The following ZNF468 variants were observed in gnomAD, a reference collection of about 807,000 sequenced individuals.
ZNF468 encodes the protein zinc finger protein 468, also known as zinc finger protein ZNF468.
ZNF468 carries 8 observed loss-of-function variants against 7.2 expected under a neutral mutation model. That is an observed-to-expected ratio of 1.11 (90% confidence interval 0.65 to 2.01). The LOEUF is 2.01. Among genes scored for constraint, ZNF468 ranks in the 30% most tolerant of loss-of-function variants. ZNF468 has a pLI of 0.00. For synonymous variants in ZNF468, 218 were observed against 214.4 expected, an observed-to-expected ratio of 1.02 and a Z score of -0.15; for missense variants, 608 against 626.5, an observed-to-expected ratio of 0.97 and a Z score of 0.31.
intron 3 of ZNF468, among the ~76,000 whole-genome samples, chr19:52,845,995 C>G (rs1048123685): frequency 1.3e-5 from 2 of 152,028 alleles, no homozygotes; most frequent in African/African-American, 4.8e-5. Context: ...AAGAACAAAA[C>G]TCTATCTCAT....
In ZNF468 at chr19:52,839,550, A is replaced by C; in HGVS notation, c.*1175T>G. ...ACTGCATTTGAAACAACTGTCTCCA[A>C]AAGGAATTGTCTGATGGTCTGCAAG... On this transcript the variant is annotated 3_prime_UTR_variant, in exon 4 of 4. Coordinates refer to ENST00000595646, the MANE Select transcript of ZNF468 (RefSeq NM_001008801.2). 2.0e-6 allele frequency: 1 copy of C among 506,338 alleles called. No homozygotes were observed. Among genetic ancestry groups the C allele is most frequent in the South Asian group, 1.5e-5 (1 of 65,414 alleles). The allele number at this position is 506,338 out of a possible 1,614,324, so 31.4% of individuals were successfully genotyped here.
chr19:52,839,569 C>A lies in ZNF468; in HGVS notation c.*1156G>T. The A allele has an allele frequency of 1.9e-6, 1 of 528,886 alleles. No homozygotes were observed. The highest frequency in any genetic ancestry group is 1.4e-5 in the South Asian group (1 of 69,454). The allele number at this position is 528,886 out of a possible 1,614,324, so 32.8% of individuals were successfully genotyped here. Reference sequence around the variant, plus strand: ...TCTCCAAAAGGAATTGTCTGATGGTCTGCAAGGAGTGACCTTGGACTGAAG... The same window carrying A: ...TCTCCAAAAGGAATTGTCTGATGGTATGCAAGGAGTGACCTTGGACTGAAG... On this transcript the variant is annotated 3_prime_UTR_variant, in exon 4 of 4. Transcript: ENST00000595646.
At position 52,854,314 on chromosome 19, in the gene ZNF468, T is replaced by C. The variant is rs201700471; in HGVS notation, c.-42A>G. On this transcript the variant is annotated 5_prime_UTR_variant, in exon 2 of 4. Transcript: ENST00000595646. ...TTCCTCTTCCTCTTCTGGGTTTCTTTCTCACGTACCAACAGTCTTTAGAAG... is the reference window on the plus strand; with the variant it reads ...TTCCTCTTCCTCTTCTGGGTTTCTTCCTCACGTACCAACAGTCTTTAGAAG... The C allele has an allele frequency of 2.3e-4, 370 of 1,613,404 alleles. 1 individual carries two copies. Among genetic ancestry groups the C allele is most frequent in the Middle Eastern group, 8.3e-4 (5 of 6,060 alleles).
At chr19:52,850,706 T>C (rs940921869) in intron 2 of ZNF468, among the ~76,000 whole-genome samples, 16 of 151,902 alleles carry the variant, frequency 1.1e-4, no homozygotes, top group Admixed American at 2.0e-4. Flanking sequence ...GAGACCATCC[T>C]GGCTAACACG....
At chr19:52,850,853 C>T (rs1332947544) in intron 2 of ZNF468, among the ~76,000 whole-genome samples, 11 of 151,628 alleles carry the variant, frequency 7.3e-5, no homozygotes, top group East Asian at 5.8e-4. Context: ...GAGCCGAGAT[C>T]GCGCCACTGC....
Position 52,840,913 on chromosome 19 carries a change from G to A in ZNF468, c.1381C>T (p.His461Tyr). Reference sequence around the variant, plus strand: ...CACTTGTAAGGTTTCTCTCCAGTATGAACTCTCTGATGTTGTGCCAGGTGT... The same window carrying A: ...CACTTGTAAGGTTTCTCTCCAGTATAAACTCTCTGATGTTGTGCCAGGTGT... ...DSHLAQHQRVHTGEKPYKCNE... is the reference protein window; with the variant it reads ...DSHLAQHQRVYTGEKPYKCNE... Residue 461 changes from histidine to tyrosine, a missense_variant, in exon 4 of 4, where the codon CAT becomes TAT. By Grantham distance (83) the His-to-Tyr change is moderately conservative. Coordinates refer to ENST00000595646, the MANE Select transcript of ZNF468 (RefSeq NM_001008801.2). 2 of 1,613,998 alleles carry A rather than the reference G, an allele frequency of 1.2e-6. No individual in the cohort carries two copies. Among genetic ancestry groups the A allele is most frequent in the Non-Finnish European group, 1.7e-6 (2 of 1,180,002 alleles).
intron 2 of ZNF468, chr19:52,849,530 T>C (rs2063367629): frequency 2.8e-6 from 1 of 359,554 alleles, no homozygotes; most frequent in Non-Finnish European, 4.9e-6. Flanking sequence ...TGACATTCAT[T>C]ATCTAGATGA....
intron 1 of ZNF468, among the ~76,000 whole-genome samples, chr19:52,855,978 C>T (rs1019682760): frequency 3.3e-5 from 5 of 152,198 alleles, no homozygotes; most frequent in Non-Finnish European, 5.9e-5. Flanking sequence ...CCTGGAAGGG[C>T]TAATGGGATG....
At chr19:52,849,005 G>A (rs1243746726) in intron 3 of ZNF468, 82 bp downstream of exon 3, 4 of 1,123,784 alleles carry the variant, frequency 3.6e-6, no homozygotes, top group Non-Finnish European at 3.5e-6. Flanking sequence ...TTTAGTCAAG[G>A]AACAATGGGG....
intron 2 of ZNF468, among the ~76,000 whole-genome samples, chr19:52,851,184 G>A (rs1209167813): frequency 6.6e-6 from 1 of 151,852 alleles, no homozygotes; most frequent in Non-Finnish European, 1.5e-5. Flanking sequence ...GCTAAAACAG[G>A]AGAATCACTG....
chr19:52,846,108 G>A (rs1242289491), intron 3 of ZNF468, among the ~76,000 whole-genome samples: 1 of 151,986 alleles, frequency 6.6e-6, no homozygotes, highest in Non-Finnish European at 1.5e-5. Flanking sequence ...TGAAATAAAA[G>A]GCATGAAAAA....
In ZNF468 at chr19:52,838,722, A is replaced by G. The variant is rs1600504670; in HGVS notation, c.*2003T>C. On this transcript the variant is annotated 3_prime_UTR_variant, in exon 4 of 4. Coordinates refer to ENST00000595646, the MANE Select transcript of ZNF468 (RefSeq NM_001008801.2). The stretch of plus-strand genomic sequence containing the variant: ...CAATAAATAATTTTAAAAGAAAATT[A>G]AAAACCAATTCCATTTGCTAAAGAA... 6.6e-6 allele frequency: 1 copy of G among 152,360 alleles called. No individual in the cohort carries two copies. Among genetic ancestry groups the G allele is most frequent in the Admixed American group, 6.5e-5 (1 of 15,300 alleles). The allele number at this position is 152,360 out of a possible 1,614,324, so 9.4% of individuals were successfully genotyped here.
At chr19:52,848,758 T>C (rs4801942) in intron 3 of ZNF468, among the ~76,000 whole-genome samples, 79,675 of 151,810 alleles carry the variant, frequency 0.52, 22,623 homozygotes, top group African/African-American at 0.74. Flanking sequence ...TCCATGTTGA[T>C]CATGCTGGTC....
At chr19:52,853,288 G>T (rs1332277286) in intron 2 of ZNF468, among the ~76,000 whole-genome samples, 2 of 152,162 alleles carry the variant, frequency 1.3e-5, no homozygotes, top group Non-Finnish European at 2.9e-5. Flanking sequence ...GACAGGGAAA[G>T]GAGATGTCTT....
At position 52,840,475 on chromosome 19, in the gene ZNF468, A is replaced by T; in HGVS notation, c.*250T>A. The T allele has an allele frequency of 1.3e-6, 1 of 793,946 alleles. No individual in the cohort carries two copies. The highest frequency in any genetic ancestry group is 2.1e-6 in the Non-Finnish European group (1 of 487,488). The allele number at this position is 793,946 out of a possible 1,614,324, so 49.2% of individuals were successfully genotyped here. ...ACCTTGTCACAAACCTTACCTCTGT[A>T]TGGTTTCTCTTCAATGTGAATTTTC... On this transcript the variant is annotated 3_prime_UTR_variant, in exon 4 of 4. Coordinates refer to ENST00000595646, the MANE Select transcript of ZNF468 (RefSeq NM_001008801.2).
Position 52,839,693 on chromosome 19 carries a change from A to G in ZNF468, c.*1032T>C. On this transcript the variant is annotated 3_prime_UTR_variant, in exon 4 of 4. Transcript: ENST00000595646. ...GTGAAGTAAACGCTTTGCCACAATC[A>G]TCACACTTGTGAGGTTTCTCTCCTG... 1.8e-6 allele frequency: 1 copy of G among 542,032 alleles called. No homozygotes were observed. 33.6% of individuals were successfully genotyped at this position (542,032 alleles called of 1,614,324 possible).
At position 52,841,523 on chromosome 19, in the gene ZNF468, G is replaced by T; in HGVS notation, c.771C>A (p.Tyr257Ter). ...VCGKVFNQKR[Y>*]LACHRRCHTG... ...TGTGACATCTACGATGGCAGGCAAG[G>T]TATCGCTTCTGATTAAAGACCTTGC... The change falls in exon 4 of 4, where the codon TAC (tyrosine) becomes TAA (stop). Residue 257 changes from tyrosine (Y) to a stop codon, truncating the protein, a stop_gained. Transcript: ENST00000595646. LOFTEE classifies it low-confidence loss of function (END_TRUNC). 2 of 1,614,124 alleles carry T rather than the reference G, an allele frequency of 1.2e-6. No individual in the cohort carries two copies. The highest frequency in any genetic ancestry group is 1.7e-6 in the Non-Finnish European group (2 of 1,180,024).
At chr19:52,848,142 C>T (rs1041646291) in intron 3 of ZNF468, among the ~76,000 whole-genome samples, 1 of 152,196 alleles carries the variant, frequency 6.6e-6, no homozygotes, top group African/African-American at 2.4e-5. Flanking sequence ...GAAGGTGGAA[C>T]TTCCACTCTG....
intron 2 of ZNF468, 162 bp from the exon 3 acceptor site, chr19:52,849,375 T>C (rs2063366173): frequency 7.2e-7 from 1 of 1,381,648 alleles, no homozygotes; most frequent in Non-Finnish European, 9.7e-7. Flanking sequence ...CCCAGATGTA[T>C]TTTATTACAC....
Sources: allele counts gnomAD v4.1 joint callset (sites outside exome capture counted in the v4.1 genomes callset), GRCh38; gene constraint gnomAD v4.1.1; transcripts MANE v1.5; gene names NCBI Gene and HGNC (gene_info 2026-07-23, HGNC 2026-07-21).